Variants in ROBO1 observed in about 807,000 individuals in gnomAD.
ROBO1 encodes the protein roundabout guidance receptor 1, also known as roundabout homolog 1.
Under a neutral mutation model 195.9 loss-of-function variants are expected in ROBO1, and 149 were observed. The ratio of observed to expected loss-of-function variants is 0.76; its 90% CI spans 0.67 to 0.87. The LOEUF (loss-of-function observed/expected upper bound fraction) is 0.87, where lower values mean the gene tolerates loss of function less well. ROBO1 is among the 40% of genes least tolerant of loss of function. The pLI, the probability that ROBO1 is intolerant of heterozygous loss-of-function variation, is 0.00. For synonymous variants in ROBO1, 816 were observed against 733.2 expected (o/e 1.11, Z -1.82); for missense variants, 1,933 against 2,068.3 (o/e 0.93, Z 1.27).
chr3:78,916,245 CAA>C (rs34944563), intron 4 of ROBO1, among the ~76,000 whole-genome samples: 23 of 91,908 alleles, frequency 2.5e-4, no homozygotes, highest in Non-Finnish European at 2.5e-4. Context: ...GAGACTCCGT[CAA>C]AAAAAAAAAA....
intron 2 of ROBO1, among the ~76,000 whole-genome samples, chr3:79,446,135 C>T (rs73129027): frequency 0.011 from 1,731 of 152,224 alleles, 18 homozygotes; most frequent in Non-Finnish European, 0.014. Context: ...TTGCTTTTCC[C>T]CTATTACAAC....
intron 4 of ROBO1, among the ~76,000 whole-genome samples, chr3:78,844,698 A>G (rs996856122): frequency 2.6e-5 from 4 of 152,158 alleles, no homozygotes; most frequent in African/African-American, 7.2e-5. Context: ...ATACAAGTTT[A>G]AAGTCAAAAT....
intron 3 of ROBO1, among the ~76,000 whole-genome samples, chr3:78,994,373 A>C (rs1226226153): frequency 2.6e-5 from 4 of 152,146 alleles, no homozygotes; most frequent in Admixed American, 6.6e-5. Flanking sequence ...GTGGAGAAAA[A>C]AGGGCAATTT....
intron 4 of ROBO1, among the ~76,000 whole-genome samples, chr3:78,892,457 G>A (rs1355955666): frequency 6.6e-6 from 1 of 152,178 alleles, no homozygotes; most frequent in Non-Finnish European, 1.5e-5. Context: ...GGCAAGTGAT[G>A]TAATCACTGT....
At chr3:79,194,426 ATTTC>A (rs1182889050) in intron 2 of ROBO1, among the ~76,000 whole-genome samples, 3 of 151,608 alleles carry the variant, frequency 2.0e-5, no homozygotes, top group Non-Finnish European at 4.4e-5. Flanking sequence ...ATAGGTTCAA[ATTTC>A]TTTATACGAC....
chr3:79,760,557 A>T (rs915143079), intron 1 of ROBO1, among the ~76,000 whole-genome samples: 3 of 151,286 alleles, frequency 2.0e-5, no homozygotes, highest in Non-Finnish European at 4.4e-5. Flanking sequence ...CTATAAGAAA[A>T]AAGATAAATG....
intron 1 of ROBO1, among the ~76,000 whole-genome samples, chr3:79,607,881 C>T (rs1407164177): frequency 6.6e-6 from 1 of 151,934 alleles, no homozygotes; most frequent in Non-Finnish European, 1.5e-5. Context: ...GCATGTTTGC[C>T]ATAACCAGGA....
At chr3:79,224,534 A>C (rs2082192810) in intron 2 of ROBO1, among the ~76,000 whole-genome samples, 1 of 152,220 alleles carries the variant, frequency 6.6e-6, no homozygotes, top group Non-Finnish European at 1.5e-5. Flanking sequence ...GTAATACAAA[A>C]GTGACTCTGA....
intron 1 of ROBO1, among the ~76,000 whole-genome samples, chr3:79,724,742 C>T (rs1034192768): frequency 1.3e-5 from 2 of 152,194 alleles, no homozygotes; most frequent in Non-Finnish European, 1.5e-5. Context: ...CCCAGCAAAT[C>T]ATGCCTGAAT....
intron 1 of ROBO1, among the ~76,000 whole-genome samples, chr3:79,673,455 G>A (rs73849485): frequency 0.012 from 1,770 of 152,016 alleles, 32 homozygotes; most frequent in African/African-American, 0.041. Flanking sequence ...TACTGGCTAG[G>A]TGGAACTTGA....
At chr3:79,028,485 G>C (rs2078239594) in intron 3 of ROBO1, among the ~76,000 whole-genome samples, 1 of 151,992 alleles carries the variant, frequency 6.6e-6, no homozygotes, top group Admixed American at 6.5e-5. Context: ...CCAATTGTTA[G>C]ACATTGAAGT....
At chr3:79,728,611 CT>C (rs1178788760) in intron 1 of ROBO1, among the ~76,000 whole-genome samples, 2 of 151,886 alleles carry the variant, frequency 1.3e-5, no homozygotes, top group African/African-American at 2.4e-5. Context: ...AGATATATAC[CT>C]TTTAAACATG....
intron 1 of ROBO1, among the ~76,000 whole-genome samples, chr3:79,662,763 C>A (rs1017117953): frequency 6.6e-6 from 1 of 151,832 alleles, no homozygotes; most frequent in African/African-American, 2.4e-5. Flanking sequence ...ACAATGGCAG[C>A]GAATATGAAT....
intron 1 of ROBO1, among the ~76,000 whole-genome samples, chr3:79,707,061 G>A (rs1384554461): frequency 6.6e-6 from 1 of 152,086 alleles, no homozygotes; most frequent in Non-Finnish European, 1.5e-5. Flanking sequence ...TTCTAAGAAA[G>A]ACTGTAGAGA....
At position 78,598,870 on chromosome 3, in the gene ROBO1, G is replaced by A. The variant is rs554606843; in HGVS notation, c.*43C>T. ...TGTCATCTGACAGGAGGCATCTTGAGTGATGATTTTCACATTAGATCTCAT... is the reference window on the plus strand; with the variant it reads ...TGTCATCTGACAGGAGGCATCTTGAATGATGATTTTCACATTAGATCTCAT... On this transcript the variant is annotated 3_prime_UTR_variant, in exon 31 of 31. Transcript: ENST00000464233. The A allele has an allele frequency of 2.8e-6, 4 of 1,430,044 alleles. No homozygotes were observed. The highest frequency in any genetic ancestry group is 3.8e-6 in the Non-Finnish European group (4 of 1,041,222). 88.6% of individuals were successfully genotyped at this position (1,430,044 alleles called of 1,614,324 possible).
At chr3:78,831,466 T>C (rs1314185944) in intron 4 of ROBO1, among the ~76,000 whole-genome samples, 1 of 152,168 alleles carries the variant, frequency 6.6e-6, no homozygotes, top group Non-Finnish European at 1.5e-5. Flanking sequence ...AATGAATTCA[T>C]CTCCATTATA....
chr3:78,629,367 G>A (rs1479365238), intron 25 of ROBO1, among the ~76,000 whole-genome samples: 1 of 152,008 alleles, frequency 6.6e-6, no homozygotes, highest in Non-Finnish European at 1.5e-5. Flanking sequence ...AATGAAAGCA[G>A]CAATGAATGT....
At chr3:79,576,144 C>T (rs1943478678) in intron 2 of ROBO1, among the ~76,000 whole-genome samples, 2 of 151,796 alleles carry the variant, frequency 1.3e-5, no homozygotes, top group Admixed American at 6.6e-5. Context: ...GACATTTGAA[C>T]GGGGTTAAAT....
intron 2 of ROBO1, among the ~76,000 whole-genome samples, chr3:79,216,902 A>G (rs1260981688): frequency 1.3e-5 from 2 of 152,088 alleles, no homozygotes; most frequent in Non-Finnish European, 2.9e-5. Context: ...AGATAATTTC[A>G]AAGGGAATTG....
Sources: allele counts gnomAD v4.1 joint callset (sites outside exome capture counted in the v4.1 genomes callset), GRCh38; gene constraint gnomAD v4.1.1; transcripts MANE v1.5; gene names NCBI Gene and HGNC (gene_info 2026-07-23, HGNC 2026-07-21).